PACS1: variants seen among roughly 807,000 people sequenced by gnomAD.
PACS1 encodes the protein phosphofurin acidic cluster sorting protein 1.
In PACS1, 24 loss-of-function variants were observed where a neutral mutation model predicts 115.0. The observed-to-expected ratio is 0.21, with a 90% CI of 0.15 to 0.29. PACS1 has a LOEUF of 0.29. PACS1 is among the 10% of genes least tolerant of loss of function. The pLI, the probability that PACS1 is intolerant of heterozygous loss-of-function variation, is 1.00. For synonymous variants in PACS1, 453 were observed against 504.5 expected (o/e 0.90, Z 1.37); for missense variants, 838 against 1,251.2 (o/e 0.67, Z 4.98).
chr11:66,210,537 C>G, intron 3 of PACS1, 86 bp downstream of exon 3: 1 of 982,430 alleles, frequency 1.0e-6, no homozygotes, highest in Non-Finnish European at 1.6e-6. Flanking sequence ...CTGTTTTATC[C>G]CAGAGCCCCC....
chr11:66,202,349 A>C (rs112858547), intron 2 of PACS1, among the ~76,000 whole-genome samples: 1 of 152,200 alleles, frequency 6.6e-6, no homozygotes, highest in Non-Finnish European at 1.5e-5. Context: ...TCCAGACTCA[A>C]TCTATGAAAC....
chr11:66,158,244 C>T (rs1210595348), intron 1 of PACS1, among the ~76,000 whole-genome samples: 1 of 152,232 alleles, frequency 6.6e-6, no homozygotes, highest in Non-Finnish European at 1.5e-5. Context: ...GCTGGGACTA[C>T]ACGTGTGAGC....
intron 1 of PACS1, among the ~76,000 whole-genome samples, chr11:66,173,219 C>T (rs1461336611): frequency 2.0e-5 from 3 of 151,788 alleles, no homozygotes; most frequent in African/African-American, 7.3e-5. Context: ...AGGCATAAGC[C>T]ACCACATCCA....
chr11:66,083,764 A>G (rs1857523745), intron 1 of PACS1, among the ~76,000 whole-genome samples: 1 of 152,198 alleles, frequency 6.6e-6, no homozygotes, highest in South Asian at 2.1e-4. Flanking sequence ...TATTTCTGCC[A>G]ATTATAATAA....
chr11:66,168,807 A>T (rs547101152), intron 1 of PACS1, among the ~76,000 whole-genome samples: 2 of 145,626 alleles, frequency 1.4e-5, no homozygotes, highest in East Asian at 4.0e-4. Context: ...TACATTTTTT[A>T]ATTTTACATT....
At chr11:66,074,384 G>A (rs562269924) in intron 1 of PACS1, among the ~76,000 whole-genome samples, 6 of 152,268 alleles carry the variant, frequency 3.9e-5, no homozygotes, top group African/African-American at 1.2e-4. Context: ...CAGGTGGCAT[G>A]CTGCTTGATG....
chr11:66,223,905 A>G (rs1855413771), intron 10 of PACS1, among the ~76,000 whole-genome samples: 1 of 152,200 alleles, frequency 6.6e-6, no homozygotes, highest in South Asian at 2.1e-4. Context: ...TTTGGCTCAA[A>G]AGCCAGTTGA....
intron 1 of PACS1, among the ~76,000 whole-genome samples, chr11:66,114,140 T>A (rs1467580181): frequency 1.3e-5 from 2 of 151,972 alleles, no homozygotes; most frequent in East Asian, 1.9e-4. Flanking sequence ...TCTTGGGGGC[T>A]GGGTGCGGTG....
Position 66,139,825 on chromosome 11 carries a change from C to A in PACS1, c.357-53661C>A, listed in dbSNP as rs1374038726. On this transcript the variant is annotated intron_variant, in intron 1 of 23. Coordinates refer to ENST00000320580, the MANE Select transcript of PACS1 (RefSeq NM_018026.4). ...GCAGTAAACATGGGAATGCAGAGACCTCTTTTCTATACTGATTTCCTTTAT... is the reference window on the plus strand; with the variant it reads ...GCAGTAAACATGGGAATGCAGAGACATCTTTTCTATACTGATTTCCTTTAT... Among the ~76,000 whole-genome samples the A allele has an allele frequency of 2.0e-5, 3 of 152,134 alleles. No individual in the cohort carries two copies. The South Asian group carries it at 6.2e-4, about 32-fold the overall frequency.
chr11:66,161,406 T>C (rs1228479267), intron 1 of PACS1, among the ~76,000 whole-genome samples: 2 of 150,806 alleles, frequency 1.3e-5, no homozygotes, highest in Admixed American at 6.6e-5. Flanking sequence ...TGAGCCGAGA[T>C]CACACTGCTG....
chr11:66,082,347 T>A (rs1427440981), intron 1 of PACS1, among the ~76,000 whole-genome samples: 1 of 152,072 alleles, frequency 6.6e-6, no homozygotes, highest in Non-Finnish European at 1.5e-5. Flanking sequence ...ACCTCAGTCT[T>A]CCAAGTAAAG....
intron 1 of PACS1, among the ~76,000 whole-genome samples, chr11:66,122,203 A>C (rs2134563623): frequency 6.6e-6 from 1 of 152,328 alleles, no homozygotes; most frequent in East Asian, 1.9e-4. Flanking sequence ...AATGGAACAA[A>C]AAAGCCTGGA....
At chr11:66,174,332 A>G (rs984733329) in intron 1 of PACS1, among the ~76,000 whole-genome samples, 7 of 135,966 alleles carry the variant, frequency 5.1e-5, no homozygotes, top group Non-Finnish European at 3.1e-5. Context: ...AGGAATGTAA[A>G]ATGGCATAGC....
chr11:66,175,108 A>G (rs1229944375), intron 1 of PACS1, among the ~76,000 whole-genome samples: 1 of 151,938 alleles, frequency 6.6e-6, no homozygotes, highest in Non-Finnish European at 1.5e-5. Context: ...CCAAGATTGC[A>G]CCATTGTATT....
chr11:66,189,173 T>A (rs1467653871), intron 1 of PACS1, among the ~76,000 whole-genome samples: 2 of 152,202 alleles, frequency 1.3e-5, no homozygotes, highest in African/African-American at 4.8e-5. Flanking sequence ...TTTGAAGAAT[T>A]AGAATACATT....
chr11:66,222,217 G>A (rs151239572), intron 10 of PACS1, among the ~76,000 whole-genome samples: 191 of 152,316 alleles, frequency 1.3e-3, no homozygotes, highest in Admixed American at 5.4e-3. Flanking sequence ...ACCAGACTGG[G>A]GAAGGAGCAG....
intron 1 of PACS1, among the ~76,000 whole-genome samples, chr11:66,177,667 A>G (rs1378401910): frequency 6.6e-6 from 1 of 151,722 alleles, no homozygotes; most frequent in East Asian, 1.9e-4. Context: ...CCCAACTGTA[A>G]TGGTGCGATC....
chr11:66,202,724 A>G (rs1854830058), intron 2 of PACS1, among the ~76,000 whole-genome samples: 1 of 18,458 alleles, frequency 5.4e-5, no homozygotes, highest in Admixed American at 4.8e-4. Flanking sequence ...CCTCATCTCT[A>G]GGAAAAAAAA....
chr11:66,237,467 T>C (rs542458772), intron 19 of PACS1, among the ~76,000 whole-genome samples: 10 of 152,364 alleles, frequency 6.6e-5, no homozygotes, highest in African/African-American at 2.4e-4. Flanking sequence ...CCCTGCTTTC[T>C]GCGCATCCAA....
Sources: allele counts gnomAD v4.1 joint callset (sites outside exome capture counted in the v4.1 genomes callset), GRCh38; gene constraint gnomAD v4.1.1; transcripts MANE v1.5; gene names NCBI Gene and HGNC (gene_info 2026-07-23, HGNC 2026-07-21).